SHH: variants seen among roughly 807,000 people sequenced by gnomAD.
SHH encodes the protein sonic hedgehog signaling molecule.
SHH carries 3 observed loss-of-function variants against 16.6 expected under a neutral mutation model. The observed-to-expected ratio is 0.18, with a 90% CI of 0.08 to 0.47. The LOEUF (loss-of-function observed/expected upper bound fraction) is 0.47. Among genes scored for constraint, SHH ranks in the 20% least tolerant of loss-of-function variants. The probability of loss-of-function intolerance (pLI) is 0.98; values close to 1 mark genes in which losing one functional copy is unlikely to be tolerated. For missense variants in SHH, 499 were observed against 665.0 expected (o/e 0.75, Z 2.75); for synonymous variants, 351 against 316.2 (o/e 1.11, Z -1.17).
chr7:155,806,420 C>T lies in SHH; in HGVS notation c.438G>A (p.Val146=). 1.2e-6 allele frequency: 2 copies of T among 1,613,844 alleles called. No homozygotes were observed. The highest frequency in any genetic ancestry group is 1.7e-6 in the Non-Finnish European group (2 of 1,180,044). ...EESLHYEGRA[V]DITTSDRDRS... ...GGTCGCGGTCAGACGTGGTGATGTC[C>T]ACTGCGCGGCCCTCGTAGTGCAGAG... Residue 146 remains valine (V), a synonymous_variant, in exon 2 of 3, where the codon GTG becomes GTA. Coordinates refer to ENST00000297261, the MANE Select transcript of SHH (RefSeq NM_000193.4).
intron 1 of SHH, among the ~76,000 whole-genome samples, chr7:155,808,640 C>G (rs1183455068): frequency 6.6e-6 from 1 of 152,196 alleles, no homozygotes; most frequent in Non-Finnish European, 1.5e-5. Context: ...CCTCCGCCCG[C>G]GCTGGGCGGG....
chr7:155,810,168 C>A (rs1328919243), intron 1 of SHH, among the ~76,000 whole-genome samples: 5 of 152,350 alleles, frequency 3.3e-5, no homozygotes, highest in Admixed American at 3.3e-4. Flanking sequence ...TGCCTCGCTG[C>A]GCGGCTCTGT....
chr7:155,808,584 G>A (rs975848927), intron 1 of SHH, among the ~76,000 whole-genome samples: 6 of 152,186 alleles, frequency 3.9e-5, no homozygotes, highest in African/African-American at 1.4e-4. Context: ...CGCCCCTTGC[G>A]CCCTCCTCCG....
Position 155,812,202 on chromosome 7 carries a change from G to T in SHH, c.-80C>A. On this transcript the variant is annotated 5_prime_UTR_variant, in exon 1 of 3. Coordinates refer to ENST00000297261, the MANE Select transcript of SHH (RefSeq NM_000193.4). ...GTGCGCGCGGCGGGTGTGTGCGTGT[G>T]CGCTCTCTCTTGCGCTTTCCCTTCC... 7.3e-7 allele frequency: 1 copy of T among 1,372,754 alleles called. No homozygotes were observed. 85.0% of individuals were successfully genotyped at this position (1,372,754 alleles called of 1,614,324 possible). A position where few individuals can be genotyped will look rare whatever the true frequency, so the allele number is the denominator to read the frequency against.
intron 2 of SHH, among the ~76,000 whole-genome samples, chr7:155,804,051 C>T (rs1025948732): frequency 2.0e-5 from 3 of 152,228 alleles, no homozygotes; most frequent in African/African-American, 7.2e-5. Flanking sequence ...CAGCTCCGCA[C>T]ACACCCGGCC....
chr7:155,812,455 A>G lies in SHH; in HGVS notation c.-333T>C, dbSNP rs983094401. On this transcript the variant is annotated 5_prime_UTR_variant, in exon 1 of 3. Coordinates refer to ENST00000297261, the MANE Select transcript of SHH (RefSeq NM_000193.4). ...TGATTTTAAATGGTAGCAAGCCTGG[A>G]GAGCTTGTGAGAGAGGCTGCCTTTA... 6.6e-6 allele frequency among the ~76,000 whole-genome samples: 1 copy of G among 152,174 alleles called. No individual in the cohort carries two copies. The highest frequency in any genetic ancestry group is 6.5e-5 in the Admixed American group (1 of 15,282).
At position 155,807,833 on chromosome 7, in the gene SHH, G is replaced by A. The variant is rs931196451; in HGVS notation, c.301-1276C>T. 6.6e-6 allele frequency among the ~76,000 whole-genome samples: 1 copy of A among 151,962 alleles called. No individual in the cohort carries two copies. Among genetic ancestry groups the A allele is most frequent in the Non-Finnish European group, 1.5e-5 (1 of 67,978 alleles). ...TCAAGGTGACTTCTGCAGAGGGCGGGGCTGACCTCTAACCTCCTCCAGTCT... is the reference window on the plus strand; with the variant it reads ...TCAAGGTGACTTCTGCAGAGGGCGGAGCTGACCTCTAACCTCCTCCAGTCT... On this transcript the variant is annotated intron_variant, in intron 1 of 2. Coordinates refer to ENST00000297261, the MANE Select transcript of SHH (RefSeq NM_000193.4). The surrounding 1 kb of genome is among the most constrained non-coding windows in gnomAD (Gnocchi z 7.1).
chr7:155,803,846 G>C, intron 2 of SHH, 120 bp from the exon 3 acceptor site: 4 of 833,210 alleles, frequency 4.8e-6, no homozygotes, highest in Non-Finnish European at 7.6e-6. Flanking sequence ...GGTGCGCAAG[G>C]CGCGGGGCGG....
chr7:155,803,045 A>G lies in SHH; in HGVS notation c.1244T>C (p.Leu415Pro). The G allele has an allele frequency of 6.8e-7, 1 of 1,473,516 alleles. No homozygotes were observed. The highest frequency in any genetic ancestry group is 9.0e-7 in the Non-Finnish European group (1 of 1,111,306). The allele number at this position is 1,473,516 out of a possible 1,614,324, so 91.3% of individuals were successfully genotyped here. A position where few individuals can be genotyped will look rare whatever the true frequency, so the allele number is the denominator to read the frequency against. The stretch of plus-strand genomic sequence containing the variant: ...AGCGTCGGCAGCACCTGGAGCGGTT[A>G]GGGCTACTCTGCCGCCGCCGCCCCC... ...DRGGGGGRVA[L>P]TAPGAADAPG... The change falls in exon 3 of 3, where the codon CTA becomes CCA. Residue 415 changes from leucine (L) to proline (P), a missense_variant. This residue lies in a region of SHH where 299 missense variants were observed against 301.1 expected (regional missense o/e 0.99). Transcript: ENST00000297261.
At position 155,802,938 on chromosome 7, in the gene SHH, C is replaced by T. The variant is rs1013898422; in HGVS notation, c.1351G>A (p.Ala451Thr). 2.1e-6 allele frequency: 3 copies of T among 1,436,852 alleles called. No individual in the cohort carries two copies. Among genetic ancestry groups the T allele is most frequent in the South Asian group, 1.3e-5 (1 of 77,706 alleles). 89.0% of individuals were successfully genotyped at this position (1,436,852 alleles called of 1,614,324 possible). Residue 451 changes from alanine to threonine, a missense_variant, in exon 3 of 3, where the codon GCC becomes ACC. Coordinates refer to ENST00000297261, the MANE Select transcript of SHH (RefSeq NM_000193.4). ...ACCGCCATGCCCAGCGGGTGCAGGG[C>T]CTCGCTGTCCAGGAGCCAGGTGCCT... is the stretch of plus-strand genomic sequence containing the variant. ...QIGTWLLDSE[A>T]LHPLGMAVKS...
rs747783200 is a variant in SHH at position 155,806,574 on chromosome 7, A to AC, written c.301-18dup. The AC allele has an allele frequency of 3.5e-5, 57 of 1,607,612 alleles. No individual in the cohort carries two copies. The highest frequency in any genetic ancestry group is 4.7e-5 in the Non-Finnish European group (56 of 1,179,542). ...CTTACACCTCTGCGAAGACAAGGGG[A>AC]CCCCCACCGACGGACACGTTAGCCT... On this transcript the variant is annotated splice_polypyrimidine_tract_variant and intron_variant, in intron 1 of 2. Coordinates refer to ENST00000297261, the MANE Select transcript of SHH (RefSeq NM_000193.4).
At position 155,800,931 on chromosome 7, in the gene SHH, A is replaced by G. The variant is rs1803166487; in HGVS notation, c.*1969T>C. On this transcript the variant is annotated 3_prime_UTR_variant, in exon 3 of 3. Coordinates refer to ENST00000297261, the MANE Select transcript of SHH (RefSeq NM_000193.4). Reference sequence around the variant, plus strand: ...AGGCTGCAGCTGCTGGGAGGCCCCAAGCTCATGCAGCGCAACTCTTCCAAG... The same window carrying G: ...AGGCTGCAGCTGCTGGGAGGCCCCAGGCTCATGCAGCGCAACTCTTCCAAG... The G allele has an allele frequency of 1.2e-5, 3 of 255,128 alleles. No individual in the cohort carries two copies. In the South Asian group the frequency reaches 1.3e-4, roughly 11 times the overall value. 15.8% of individuals were successfully genotyped at this position (255,128 alleles called of 1,614,324 possible).
At chr7:155,804,382 C>T (rs1803292706) in intron 2 of SHH, among the ~76,000 whole-genome samples, 1 of 152,174 alleles carries the variant, frequency 6.6e-6, no homozygotes, top group Non-Finnish European at 1.5e-5. Context: ...AAATCCGAGG[C>T]TTGTGTGGAT....
rs1554493447 is a variant in SHH, at chr7:155,802,121, A to AGTGTGTGTGTATGTT, written c.*764_*778dup. The AGTGTGTGTGTATGTT allele has an allele frequency of 1.3e-5, 2 of 150,878 alleles. No homozygotes were observed. The highest frequency in any genetic ancestry group is 3.9e-4 in the East Asian group (2 of 5,144). 9.3% of individuals were successfully genotyped at this position (150,878 alleles called of 1,614,324 possible). On this transcript the variant is annotated 3_prime_UTR_variant, in exon 3 of 3. Coordinates refer to ENST00000297261, the MANE Select transcript of SHH (RefSeq NM_000193.4). The stretch of plus-strand genomic sequence containing the variant: ...AAAAAGAAAAGAAAAGAAAAAGAAA[A>AGTGTGTGTGTATGTT]GTGTGTGTGTATGTTGTGTGTGTAA...
In SHH at chr7:155,803,340, C is replaced by A; in HGVS notation, c.949G>T (p.Val317Leu). Reference sequence around the variant, plus strand: ...CGGTCCCCGTCACGCTCGGCCACCACGTACACGCGCTGGCCCGGGCGCACG... The same window carrying A: ...CGGTCCCCGTCACGCTCGGCCACCAAGTACACGCGCTGGCCCGGGCGCACG... ...SRVRPGQRVYVVAERDGDRRL... is the reference protein window; with the variant it reads ...SRVRPGQRVYLVAERDGDRRL... The change falls in exon 3 of 3, where the codon GTG becomes TTG. Residue 317 changes from valine to leucine, a missense_variant. Physicochemically the swap from Val to Leu is conservative, Grantham distance 32. Transcript: ENST00000297261. The A allele has an allele frequency of 1.4e-6, 2 of 1,473,288 alleles. No individual in the cohort carries two copies. The highest frequency in any genetic ancestry group is 2.2e-4 in the Middle Eastern group (1 of 4,564). 91.3% of individuals were successfully genotyped at this position (1,473,288 alleles called of 1,614,324 possible). A position where few individuals can be genotyped will look rare whatever the true frequency, so the allele number is the denominator to read the frequency against.
At chr7:155,804,698 C>A (rs956060711) in intron 2 of SHH, among the ~76,000 whole-genome samples, 1 of 152,220 alleles carries the variant, frequency 6.6e-6, no homozygotes, top group African/African-American at 2.4e-5. Flanking sequence ...GGCCCCTTGA[C>A]TACCCGCTTT....
chr7:155,805,582 C>G (rs942477063), intron 2 of SHH, among the ~76,000 whole-genome samples: 10 of 152,218 alleles, frequency 6.6e-5, no homozygotes, highest in African/African-American at 2.4e-4. Context: ...TGCGTGCGCG[C>G]GATGGCGCCT....
At chr7:155,804,049 C>G (rs1803281986) in intron 2 of SHH, among the ~76,000 whole-genome samples, 1 of 152,178 alleles carries the variant, frequency 6.6e-6, no homozygotes, top group South Asian at 2.1e-4. Flanking sequence ...CCCAGCTCCG[C>G]ACACACCCGG....
chr7:155,806,247 C>A (rs758351329), intron 2 of SHH, 49 bp downstream of exon 2: 1 of 1,610,544 alleles, frequency 6.2e-7, no homozygotes, highest in Non-Finnish European at 8.5e-7. Context: ...AGCCGAGGTG[C>A]GCCAATGGCC....
Sources: allele counts gnomAD v4.1 joint callset (sites outside exome capture counted in the v4.1 genomes callset), GRCh38; gene constraint gnomAD v4.1.1; regional missense constraint gnomAD v4.1.1; non-coding constraint Gnocchi (gnomAD v3.1); transcripts MANE v1.5; gene names NCBI Gene and HGNC (gene_info 2026-07-23, HGNC 2026-07-21).